DPYSL4: variants seen among roughly 807,000 people sequenced by gnomAD.
DPYSL4 encodes dihydropyrimidinase-related protein 4.
DPYSL4 carries 43 observed loss-of-function variants against 63.4 expected under a neutral mutation model. That is an observed-to-expected ratio of 0.68 (90% confidence interval 0.53 to 0.88). The LOEUF is 0.88. Ranked by LOEUF, DPYSL4 falls within the 40% of genes least tolerant of loss-of-function variation. DPYSL4 has a pLI of 0.00. For synonymous variants in DPYSL4, 353 were observed against 331.7 expected, an observed-to-expected ratio of 1.06 and a Z score of -0.70; for missense variants, 733 against 819.5, an observed-to-expected ratio of 0.89 and a Z score of 1.29.
At chr10:132,195,086 C>A (rs10159921) in intron 4 of DPYSL4, 77 bp downstream of exon 4, 472 of 1,495,766 alleles carry the variant, frequency 3.2e-4, no homozygotes, top group Middle Eastern at 1.7e-3. Flanking sequence ...TGTGTTCTGC[C>A]GATGGTGCTG....
chr10:132,198,886 C>G lies in DPYSL4; in HGVS notation c.726C>G (p.Ile242Met). The G allele has an allele frequency of 1.9e-6, 3 of 1,612,996 alleles. No homozygotes were observed. The highest frequency in any genetic ancestry group is 3.3e-4 in the Middle Eastern group (2 of 6,062). ...AGGCGGTGTACCGAGCTGTCACCAT[C>G]GCCAAGCAGGCAAACTGCCCGCTGT... ...EAEAVYRAVT[I>M]AKQANCPLYV... Residue 242 changes from isoleucine to methionine, a missense_variant, in exon 8 of 14, where the codon ATC (isoleucine) becomes ATG (methionine). By Grantham distance (10) the Ile-to-Met change is conservative. Transcript: ENST00000338492.
intron 12 of DPYSL4, chr10:132,203,509 A>G (rs2062049553): frequency 1.1e-5 from 6 of 522,454 alleles, no homozygotes; most frequent in Admixed American, 3.2e-5. Flanking sequence ...GGACGTTTGC[A>G]CACACATGCA....
Position 132,203,751 on chromosome 10 carries a change from C to G in DPYSL4, c.1462-11C>G, listed in dbSNP as rs773827619. On this transcript the variant is annotated splice_polypyrimidine_tract_variant and intron_variant, in intron 12 of 13. Transcript: ENST00000338492. ...CCTCATGCCCTGTCTCTGCCCCCAC[C>G]CCCCCGGCAGCTGGCGGAGATCCAC... 40 of 1,594,492 alleles carry G rather than the reference C, an allele frequency of 2.5e-5. No homozygotes were observed. The highest frequency in any genetic ancestry group is 1.4e-4 in the East Asian group (6 of 44,336).
Position 132,204,722 on chromosome 10 carries a change from C to A in DPYSL4, c.1628-117C>A, listed in dbSNP as rs1054449746. On this transcript the variant is annotated intron_variant, in intron 13 of 13. Transcript: ENST00000338492. ...TGGCCTTCTGGTGGTGGCAGGTGTGCGGGGGCTCTGCAGTCCTGGCCCCAC... is the reference window on the plus strand; with the variant it reads ...TGGCCTTCTGGTGGTGGCAGGTGTGAGGGGGCTCTGCAGTCCTGGCCCCAC... 4 of 806,098 alleles carry A rather than the reference C, an allele frequency of 5.0e-6. No individual in the cohort carries two copies. The South Asian group carries it at 1.1e-4, about 22-fold the overall frequency. 49.9% of individuals were successfully genotyped at this position (806,098 alleles called of 1,614,324 possible). A position where few individuals can be genotyped will look rare whatever the true frequency, so the allele number is the denominator to read the frequency against.
Position 132,194,868 on chromosome 10 carries a change from G to A in DPYSL4, c.337G>A (p.Gly113Ser), listed in dbSNP as rs748333066. The change falls in exon 4 of 14, where the codon GGT becomes AGT. Residue 113 changes from glycine (G) to serine (S), a missense_variant. Gly to Ser is a moderately conservative substitution (Grantham distance 56). Coordinates refer to ENST00000338492, the MANE Select transcript of DPYSL4 (RefSeq NM_006426.3). ...AGTGGACCACGTCTTCCCCGACACGGGTGTGAGCCTGCTGGCGGCCTACGA... is the reference window on the plus strand; with the variant it reads ...AGTGGACCACGTCTTCCCCGACACGAGTGTGAGCCTGCTGGCGGCCTACGA... Reference protein sequence around the residue: ...MILDHVFPDTGVSLLAAYEQW... With the variant: ...MILDHVFPDTSVSLLAAYEQW... 36 of 1,612,674 alleles carry A rather than the reference G, an allele frequency of 2.2e-5. No individual in the cohort carries two copies. The highest frequency in any genetic ancestry group is 3.0e-5 in the Non-Finnish European group (35 of 1,179,910).
Position 132,200,888 on chromosome 10 carries a change from G to A in DPYSL4, c.1015G>A (p.Ala339Thr), listed in dbSNP as rs771205949. The A allele has an allele frequency of 2.4e-5, 38 of 1,613,054 alleles. No homozygotes were observed. Among genetic ancestry groups the A allele is most frequent in the Non-Finnish European group, 3.1e-5 (36 of 1,179,976 alleles). The change falls in exon 10 of 14, where the codon GCC (alanine) becomes ACC (threonine). Residue 339 changes from alanine (A) to threonine (T), a missense_variant. Ala to Thr is a moderately conservative substitution (Grantham distance 58). Transcript: ENST00000338492. ...CAGCGCCCACTGCACCTTCACCACT[G>A]CCCAGAAGGCTGTGGGCAAGGACAA... ...TGSAHCTFTT[A>T]QKAVGKDNFA...
Position 132,203,901 on chromosome 10 carries a change from T to G in DPYSL4, c.1601T>G (p.Leu534Arg), listed in dbSNP as rs1381834740. Reference sequence around the variant, plus strand: ...ATCTCCGTCCCTCCTGTGCGCAACCTACATCAGTCGGGGTTCAGCCTATCT... The same window carrying G: ...ATCTCCGTCCCTCCTGTGCGCAACCGACATCAGTCGGGGTTCAGCCTATCT... ...GKISVPPVRN[L>R]HQSGFSLSGS... is the part of the protein sequence containing the mutation. Residue 534 changes from leucine (L) to arginine (R), a missense_variant, in exon 13 of 14, where the codon CTA (leucine) becomes CGA (arginine). Coordinates refer to ENST00000338492, the MANE Select transcript of DPYSL4 (RefSeq NM_006426.3). 3.1e-6 allele frequency: 5 copies of G among 1,608,394 alleles called. No homozygotes were observed. The highest frequency in any genetic ancestry group is 4.3e-6 in the Non-Finnish European group (5 of 1,176,128).
chr10:132,199,176 C>T (rs2061981397), intron 8 of DPYSL4, among the ~76,000 whole-genome samples: 1 of 152,210 alleles, frequency 6.6e-6, no homozygotes, highest in Non-Finnish European at 1.5e-5. Context: ...GCTGGAGCAG[C>T]AGCTGCTCAC....
chr10:132,192,205 T>G, intron 2 of DPYSL4: 2 of 596,070 alleles, frequency 3.4e-6, no homozygotes, highest in Non-Finnish European at 4.2e-6. Context: ...GCCCCGGCCT[T>G]TGGTGAGGGC....
At chr10:132,194,802 C>G (rs1565040450) in intron 3 of DPYSL4, 43 bp from the exon 4 acceptor site, 2 of 1,598,028 alleles carry the variant, frequency 1.3e-6, no homozygotes, top group Non-Finnish European at 1.7e-6. Context: ...AGGTGGGAAC[C>G]AGGGACCAGT....
chr10:132,202,236 C>A lies in DPYSL4; in HGVS notation c.1281+120C>A, dbSNP rs2062028018. The A allele has an allele frequency of 1.4e-5, 18 of 1,300,688 alleles. No homozygotes were observed. In the East Asian group the frequency reaches 3.8e-4, roughly 28 times the overall value. 80.6% of individuals were successfully genotyped at this position (1,300,688 alleles called of 1,614,324 possible). A position where few individuals can be genotyped will look rare whatever the true frequency, so the allele number is the denominator to read the frequency against. On this transcript the variant is annotated intron_variant, in intron 11 of 13. Coordinates refer to ENST00000338492, the MANE Select transcript of DPYSL4 (RefSeq NM_006426.3). ...GGCAGCAGCAGTGGCCTCAGCCATC[C>A]CAGGGCCGTCCACACAGCCTGTCCC...
intron 1 of DPYSL4, 37 bp downstream of exon 1, chr10:132,187,139 C>G (rs759505531): frequency 7.3e-6 from 11 of 1,497,420 alleles, no homozygotes; most frequent in East Asian, 2.6e-5. Context: ...GCCCCCTGCC[C>G]GCCGCCCGGA....
rs573080371 is a variant in DPYSL4 at position 132,201,857 on chromosome 10, G to A, written c.1111-89G>A. On this transcript the variant is annotated intron_variant, in intron 10 of 13. Coordinates refer to ENST00000338492, the MANE Select transcript of DPYSL4 (RefSeq NM_006426.3). ...GCCTGGTGACCTGGCATCCATCCTT[G>A]TGGGGTCCTGGTGGCCCAGTGTCTG... The A allele has an allele frequency of 2.9e-6, 4 of 1,396,810 alleles. No homozygotes were observed. In the South Asian group the frequency reaches 4.1e-5, roughly 14 times the overall value. The allele number at this position is 1,396,810 out of a possible 1,614,324, so 86.5% of individuals were successfully genotyped here.
intron 2 of DPYSL4, chr10:132,192,251 CA>C: frequency 1.1e-6 from 1 of 930,080 alleles, no homozygotes; most frequent in African/African-American, 1.8e-5. Context: ...GAAAGCAGGA[CA>C]CCAGCTTCCA....
rs78456917 is a variant in DPYSL4 at position 132,196,669 on chromosome 10, C to G, written c.479-192C>G. Among the ~76,000 whole-genome samples, 1,357 of 152,346 alleles carry G rather than the reference C, an allele frequency of 8.9e-3. 27 individuals carry two copies. The highest frequency in any genetic ancestry group is 0.03 in the African/African-American group (1,263 of 41,582). On this transcript the variant is annotated intron_variant, in intron 4 of 13. Coordinates refer to ENST00000338492, the MANE Select transcript of DPYSL4 (RefSeq NM_006426.3). ...AAGGAGGGCCTGGATGTAGCTGCCT[C>G]CGCCTCACTTCCCAGCTTGCTGGTG...
At chr10:132,187,362 CCCTGCCG>C (rs1565035176) in intron 1 of DPYSL4, among the ~76,000 whole-genome samples, 215 of 16,616 alleles carry the variant, frequency 0.013, 1 homozygote, top group East Asian at 0.093. Flanking sequence ...CCCTGCCGGG[CCCTGCCG>C]GGCCCTGCCC....
intron 11 of DPYSL4, 128 bp from the exon 12 acceptor site, chr10:132,202,518 T>G (rs1224221700): frequency 8.2e-7 from 1 of 1,223,144 alleles, no homozygotes; most frequent in African/African-American, 1.5e-5. Flanking sequence ...AGCATCTTGC[T>G]AGGGGCTCAG....
rs570570002 is a variant in DPYSL4 at position 132,200,357 on chromosome 10, G to C, written c.813G>C (p.Gly271=). 6.2e-7 allele frequency: 1 copy of C among 1,613,194 alleles called. No individual in the cohort carries two copies. Among genetic ancestry groups the C allele is most frequent in the East Asian group, 2.2e-5 (1 of 44,872 alleles). The change falls in exon 9 of 14, where the codon GGG becomes GGC. Residue 271 remains glycine, a splice_region_variant and synonymous_variant. Transcript: ENST00000338492. The part of the protein sequence containing the change: ...ADAIAQAKRR[G]VVVFGEPITA... ...CCTCTCATGGGCCTCGTGCTGCAGG[G>C]GTGGTCGTGTTTGGGGAGCCCATCA... is the stretch of plus-strand genomic sequence containing the variant.
At chr10:132,196,573 T>C (rs765068407) in intron 4 of DPYSL4, among the ~76,000 whole-genome samples, 1 of 152,096 alleles carries the variant, frequency 6.6e-6, no homozygotes, top group Non-Finnish European at 1.5e-5. Flanking sequence ...GCTGGATGGG[T>C]GTGAGGGGTT....
Sources: gnomAD v4.1 joint callset for allele counts (sites outside exome capture counted in the v4.1 genomes callset) on GRCh38, gnomAD v4.1.1 for gene constraint, MANE v1.5 for transcripts, NCBI Gene and HGNC (gene_info 2026-07-23, HGNC 2026-07-21) for gene names.